ACTN4: variants seen among roughly 807,000 people sequenced by gnomAD.
The protein encoded by ACTN4 is alpha-actinin-4.
In ACTN4, 18 loss-of-function variants were observed where a neutral mutation model predicts 114.2. That is an observed-to-expected ratio of 0.16 (90% confidence interval 0.11 to 0.23). The LOEUF (loss-of-function observed/expected upper bound fraction) is 0.23. Ranked by LOEUF, ACTN4 falls within the 10% of genes least tolerant of loss-of-function variation. The probability of loss-of-function intolerance (pLI) is 1.00; values close to 1 mark genes in which losing one functional copy is unlikely to be tolerated. For synonymous variants in ACTN4, 515 were observed against 506.3 expected (o/e 1.02, Z -0.23); for missense variants, 722 against 1,262.9 (o/e 0.57, Z 6.49).
At chr19:38,666,191 C>T (rs1966953129) in intron 1 of ACTN4, among the ~76,000 whole-genome samples, 1 of 151,208 alleles carries the variant, frequency 6.6e-6, no homozygotes, top group Non-Finnish European at 1.5e-5. Context: ...CCTGGGGTCA[C>T]TTCCTGATGC....
chr19:38,726,953 G>T lies in ACTN4; in HGVS notation c.2191-4G>T. ...CCCACGATCACGCCCCCGTCTTTCC[G>T]CAGCACATCCGCGTGGGCTGGGAGC... On this transcript the variant is annotated splice_region_variant and splice_polypyrimidine_tract_variant and intron_variant, in intron 17 of 20. Transcript: ENST00000252699. The T allele has an allele frequency of 6.2e-7, 1 of 1,613,846 alleles. No individual in the cohort carries two copies. The highest frequency in any genetic ancestry group is 8.5e-7 in the Non-Finnish European group (1 of 1,180,018).
rs756588170 is a variant in ACTN4 at position 38,708,096 on chromosome 19, C to A, written c.573-21C>A. ...TGACAGTGAGCGGGCCCTCCTATAA[C>A]CTTTGCCTTTCCTTCCCCAGCTGGA... On this transcript the variant is annotated intron_variant, in intron 5 of 20. Coordinates refer to ENST00000252699, the MANE Select transcript of ACTN4 (RefSeq NM_004924.6). The A allele has an allele frequency of 1.3e-5, 21 of 1,613,742 alleles. No individual in the cohort carries two copies. The Admixed American group carries it at 1.3e-4, about 10-fold the overall frequency.
In ACTN4 at chr19:38,730,590, G is replaced by C. The variant is rs1165519137; in HGVS notation, c.*1158G>C. Reference sequence around the variant, plus strand: ...TGTCTGTCCTCCACCTTCTAGGAGAGCCAGGGCAGAGCTAGCACTGTCTTA... The same window carrying C: ...TGTCTGTCCTCCACCTTCTAGGAGACCCAGGGCAGAGCTAGCACTGTCTTA... On this transcript the variant is annotated 3_prime_UTR_variant, in exon 21 of 21. Coordinates refer to ENST00000252699, the MANE Select transcript of ACTN4 (RefSeq NM_004924.6). 5.3e-6 allele frequency: 3 copies of C among 568,584 alleles called. No homozygotes were observed. The East Asian group carries it at 8.6e-5, about 16-fold the overall frequency. 35.2% of individuals were successfully genotyped at this position (568,584 alleles called of 1,614,324 possible). A position where few individuals can be genotyped will look rare whatever the true frequency, so the allele number is the denominator to read the frequency against.
At chr19:38,647,965 G>T in intron 1 of ACTN4, 58 bp downstream of exon 1, 1 of 1,409,956 alleles carries the variant, frequency 7.1e-7, no homozygotes. Context: ...GCCCGGGGAG[G>T]GGTGGGAGGT....
rs571538406 is a variant in ACTN4 at position 38,711,272 on chromosome 19, G to A, written c.819+930G>A. 207 of 1,015,612 alleles carry A rather than the reference G, an allele frequency of 2.0e-4. No homozygotes were observed. Among genetic ancestry groups the A allele is most frequent in the Admixed American group, 7.2e-4 (14 of 19,566 alleles). 62.9% of individuals were successfully genotyped at this position (1,015,612 alleles called of 1,614,324 possible). ...TCTCTCTCTTTCTCTCTCTCTCTGT[G>A]CAGATATTGTGGGCACTCTGAGGCC... On this transcript the variant is annotated intron_variant, in intron 8 of 20. Transcript: ENST00000252699.
At chr19:38,714,683 C>T (rs1265901567) in intron 9 of ACTN4, 122 bp downstream of exon 9, 2 of 1,008,600 alleles carry the variant, frequency 2.0e-6, no homozygotes, top group Non-Finnish European at 3.0e-6. Flanking sequence ...TGCGTGGTCA[C>T]AGACCATGGC....
rs1969588552 is a variant in ACTN4 at position 38,731,324 on chromosome 19, T to C, written c.*1892T>C. 1 of 866,456 alleles carries C rather than the reference T, an allele frequency of 1.2e-6. No homozygotes were observed. The highest frequency in any genetic ancestry group is 1.9e-6 in the Non-Finnish European group (1 of 521,342). The allele number at this position is 866,456 out of a possible 1,614,324, so 53.7% of individuals were successfully genotyped here. On this transcript the variant is annotated 3_prime_UTR_variant, in exon 21 of 21. Coordinates refer to ENST00000252699, the MANE Select transcript of ACTN4 (RefSeq NM_004924.6). ...CAGGGAGGACATGAATGCCACAGGG[T>C]GTCACACCCCAACTCTGCCCCATCC...
At position 38,724,392 on chromosome 19, in the gene ACTN4, A is replaced by G. The variant is rs373236430; in HGVS notation, c.1876-39A>G. On this transcript the variant is annotated intron_variant, in intron 15 of 20. Transcript: ENST00000252699. The surrounding 1 kb of genome is among the most constrained non-coding windows in gnomAD (Gnocchi z 7.0). ...GGGCAGGACGGCGGGGCTGGGGGCC[A>G]CCTCCCTGACCGCTCCCACACCGCG... 260 of 1,611,188 alleles carry G rather than the reference A, an allele frequency of 1.6e-4. No individual in the cohort carries two copies. The highest frequency in any genetic ancestry group is 2.2e-4 in the Non-Finnish European group (254 of 1,179,204).
intron 1 of ACTN4, among the ~76,000 whole-genome samples, chr19:38,653,085 C>CA (rs3033329): frequency 0.35 from 43,701 of 125,018 alleles, 7,890 homozygotes; most frequent in Non-Finnish European, 0.43. Flanking sequence ...GACTCCATCT[C>CA]AAAAAAAAAA....
intron 1 of ACTN4, among the ~76,000 whole-genome samples, chr19:38,657,812 A>G (rs1383477217): frequency 6.6e-6 from 1 of 152,204 alleles, no homozygotes; most frequent in African/African-American, 2.4e-5. Flanking sequence ...AGCCTGCCTT[A>G]GCAAAATGAC....
At chr19:38,696,722 G>C (rs1968106083) in intron 1 of ACTN4, among the ~76,000 whole-genome samples, 1 of 152,080 alleles carries the variant, frequency 6.6e-6, no homozygotes, top group Non-Finnish European at 1.5e-5. Flanking sequence ...GACAAAACAG[G>C]GCAAAGCAAG....
At chr19:38,688,505 A>G (rs1967820777) in intron 1 of ACTN4, among the ~76,000 whole-genome samples, 1 of 150,438 alleles carries the variant, frequency 6.6e-6, no homozygotes, top group African/African-American at 2.5e-5. Flanking sequence ...TGGGTGGGAG[A>G]GGTTGCATTG....
chr19:38,684,151 A>G (rs1411944540), intron 1 of ACTN4: 1 of 152,290 alleles, frequency 6.6e-6, no homozygotes, highest in Admixed American at 6.5e-5. Context: ...TATCTGTAAA[A>G]TTAGAGCACG....
chr19:38,652,295 G>T (rs895011051), intron 1 of ACTN4, among the ~76,000 whole-genome samples: 1 of 152,142 alleles, frequency 6.6e-6, no homozygotes, highest in Non-Finnish European at 1.5e-5. Flanking sequence ...AGAGGGATAG[G>T]GGAGGCCACT....
intron 1 of ACTN4, among the ~76,000 whole-genome samples, chr19:38,678,813 G>A (rs1967459819): frequency 6.6e-6 from 1 of 152,206 alleles, no homozygotes; most frequent in Admixed American, 6.5e-5. Flanking sequence ...GCTCTGTTCG[G>A]AGACAAAACC....
intron 11 of ACTN4, among the ~76,000 whole-genome samples, chr19:38,718,784 G>A (rs573112507): frequency 3.9e-5 from 6 of 152,168 alleles, no homozygotes; most frequent in South Asian, 2.1e-4. Flanking sequence ...TCCATCCCCC[G>A]CACCCTGTGT....
intron 1 of ACTN4, among the ~76,000 whole-genome samples, chr19:38,666,495 A>G (rs1010722276): frequency 6.6e-6 from 1 of 152,206 alleles, no homozygotes; most frequent in Non-Finnish European, 1.5e-5. Flanking sequence ...AAGAAAATGT[A>G]TGGAAAGTAA....
intron 1 of ACTN4, among the ~76,000 whole-genome samples, chr19:38,689,811 C>T (rs1321508734): frequency 1.3e-5 from 2 of 152,164 alleles, no homozygotes; most frequent in East Asian, 3.9e-4. Flanking sequence ...GTAGCTGGAA[C>T]TACAGGCGTG....
intron 8 of ACTN4, among the ~76,000 whole-genome samples, chr19:38,712,122 G>T (rs1968675541): frequency 6.6e-6 from 1 of 152,224 alleles, no homozygotes; most frequent in Non-Finnish European, 1.5e-5. Flanking sequence ...CACCCTCCAA[G>T]GCCTTCACAT....
Sources: allele counts gnomAD v4.1 joint callset (sites outside exome capture counted in the v4.1 genomes callset), GRCh38; gene constraint gnomAD v4.1.1; non-coding constraint Gnocchi (gnomAD v3.1); transcripts MANE v1.5; gene names NCBI Gene and HGNC (gene_info 2026-07-23, HGNC 2026-07-21).